Variants in NLRP12 observed in about 807,000 individuals in gnomAD.
NLRP12 encodes NLR family pyrin domain containing 12, also known as NACHT, LRR and PYD domains-containing protein 12.
In NLRP12, 108 loss-of-function variants were observed where a neutral mutation model predicts 91.2. The observed-to-expected ratio is 1.18, with a 90% confidence interval of 1.01 to 1.39. NLRP12 has a LOEUF of 1.39. Ranked by LOEUF, NLRP12 falls within the 40% of genes most tolerant of loss-of-function variation. The pLI is 0.00. For missense variants in NLRP12, 1,530 were observed against 1,352.7 expected, an observed-to-expected ratio of 1.13 and a Z score of -2.06; for synonymous variants, 613 against 566.7, an observed-to-expected ratio of 1.08 and a Z score of -1.16.
At chr19:53,807,159 C>T (rs1231790151) in intron 4 of NLRP12, among the ~76,000 whole-genome samples, 1 of 151,820 alleles carries the variant, frequency 6.6e-6, no homozygotes, top group Non-Finnish European at 1.5e-5. Context: ...CCTCCGCCTC[C>T]CAGGTTCAAG....
chr19:53,810,313 G>A lies in NLRP12; in HGVS notation c.1346C>T (p.Ala449Val). The A allele has an allele frequency of 6.2e-7, 1 of 1,613,664 alleles. No homozygotes were observed. Among genetic ancestry groups the A allele is most frequent in the Non-Finnish European group, 8.5e-7 (1 of 1,180,014 alleles). Residue 449 changes from alanine (A) to valine (V), a missense_variant, in exon 3 of 10, where the codon GCC (alanine) becomes GTC (valine). Coordinates refer to ENST00000324134, the MANE Select transcript of NLRP12 (RefSeq NM_144687.4). The stretch of plus-strand genomic sequence containing the variant: ...GTTGGGTGGGGGCTGGAGGCGCGGG[G>A]CCCCCGGCTTGGGTTGCATCAGACT... ...LLSLMQPKPGAPRLQPPPNQR... is the reference protein window; with the variant it reads ...LLSLMQPKPGVPRLQPPPNQR...
chr19:53,796,755 G>C (rs1390631931), intron 8 of NLRP12, among the ~76,000 whole-genome samples: 6 of 151,838 alleles, frequency 4.0e-5, no homozygotes, highest in Non-Finnish European at 8.8e-5. Context: ...CCAGCACTTT[G>C]GGAGGCCGAG....
At chr19:53,806,741 C>T (rs1296222962) in intron 4 of NLRP12, among the ~76,000 whole-genome samples, 1 of 145,408 alleles carries the variant, frequency 6.9e-6, no homozygotes, top group African/African-American at 2.6e-5. Context: ...GCTTGTTTTC[C>T]CAGCTACTCG....
chr19:53,809,224 TAAAAA>T lies in NLRP12; in HGVS notation c.2072+358_2072+362del, dbSNP rs3973673. 6.4e-3 allele frequency among the ~76,000 whole-genome samples: 857 copies of T among 133,610 alleles called. 3 individuals carry two copies. Among genetic ancestry groups the T allele is most frequent in the Non-Finnish European group, 8.5e-3 (543 of 64,152 alleles). 87.7% of individuals were successfully genotyped at this position (133,610 alleles called of 152,430 possible). The stretch of plus-strand genomic sequence containing the variant: ...CTAGGAGACCAAGAGAGACTTAGTT[TAAAAA>T]AAAAAAAAAAAAAAAATCGTGGGCC... On this transcript the variant is annotated intron_variant, in intron 3 of 9. Coordinates refer to ENST00000324134, the MANE Select transcript of NLRP12 (RefSeq NM_144687.4).
intron 5 of NLRP12, among the ~76,000 whole-genome samples, chr19:53,804,359 T>A (rs2091921229): frequency 6.6e-6 from 1 of 150,862 alleles, no homozygotes; most frequent in Non-Finnish European, 1.5e-5. Context: ...ACCTGCCTAA[T>A]TTTTTTTGTT....
At chr19:53,801,175 G>A in intron 7 of NLRP12, 52 bp downstream of exon 7, 5 of 1,556,608 alleles carry the variant, frequency 3.2e-6, no homozygotes, top group Non-Finnish European at 4.4e-6. Context: ...CAGGTGAGAG[G>A]GCTGCGTTCA....
chr19:53,815,604 A>T (rs933277901), intron 1 of NLRP12, among the ~76,000 whole-genome samples: 4 of 146,384 alleles, frequency 2.7e-5, no homozygotes, highest in Non-Finnish European at 6.0e-5. Flanking sequence ...CATCTCATCC[A>T]TTATCTTTTC....
rs375564263 is a variant in NLRP12, at chr19:53,809,394, G to A, written c.2072+193C>T. Reference sequence around the variant, plus strand: ...AAAAATACAAAAATTAGGTGGGCGTGGTGGCGTGCACCTGTAGTCCCAGCT... The same window carrying A: ...AAAAATACAAAAATTAGGTGGGCGTAGTGGCGTGCACCTGTAGTCCCAGCT... On this transcript the variant is annotated intron_variant, in intron 3 of 9. Coordinates refer to ENST00000324134, the MANE Select transcript of NLRP12 (RefSeq NM_144687.4). Among the ~76,000 whole-genome samples, 3 of 151,308 alleles carry A rather than the reference G, an allele frequency of 2.0e-5. No individual in the cohort carries two copies. In the East Asian group the frequency reaches 5.8e-4, roughly 29 times the overall value.
At chr19:53,822,501 G>A (rs1000858361) in intron 1 of NLRP12, among the ~76,000 whole-genome samples, 1 of 152,020 alleles carries the variant, frequency 6.6e-6, no homozygotes, top group African/African-American at 2.4e-5. Context: ...GGGAGGCTGA[G>A]GTGGGTGGAT....
At chr19:53,820,851 C>T (rs1214285322) in intron 1 of NLRP12, among the ~76,000 whole-genome samples, 1 of 151,110 alleles carries the variant, frequency 6.6e-6, no homozygotes, top group Non-Finnish European at 1.5e-5. Context: ...CTGCGCCCAG[C>T]TAATTTTTTG....
intron 1 of NLRP12, 148 bp downstream of exon 1, chr19:53,823,738 C>T: frequency 1.1e-6 from 1 of 898,402 alleles, no homozygotes. Flanking sequence ...TTGGTAGAGA[C>T]AGAGCCTCAC....
chr19:53,801,198 C>T, intron 7 of NLRP12, 29 bp downstream of exon 7: 1 of 1,610,904 alleles, frequency 6.2e-7, no homozygotes, highest in Non-Finnish European at 8.5e-7. Context: ...GATTGGGACT[C>T]CTAGCGTGGT....
Position 53,798,331 on chromosome 19 carries a change from C to G in NLRP12, c.2839G>C (p.Asp947His). The change falls in exon 8 of 10, where the codon GAC (aspartate) becomes CAC (histidine). Residue 947 changes from aspartate to histidine, a missense_variant. Transcript: ENST00000324134. Reference sequence around the variant, plus strand: ...TCTCCCAGGTCGTTGAAACTCAAGTCCAGCTCCCGGAGGTTGTGGTTGGCC... The same window carrying G: ...TCTCCCAGGTCGTTGAAACTCAAGTGCAGCTCCCGGAGGTTGTGGTTGGCC... ...LQANHNLREL[D>H]LSFNDLGDWG... 1 of 1,614,178 alleles carries G rather than the reference C, an allele frequency of 6.2e-7. No individual in the cohort carries two copies. Among genetic ancestry groups the G allele is most frequent in the Non-Finnish European group, 8.5e-7 (1 of 1,180,036 alleles).
chr19:53,796,751 C>G (rs566430149), intron 8 of NLRP12, among the ~76,000 whole-genome samples: 2 of 151,710 alleles, frequency 1.3e-5, no homozygotes, highest in South Asian at 4.2e-4. Flanking sequence ...AATTCCAGCA[C>G]TTTGGGAGGC....
rs773205720 is a variant in NLRP12 at position 53,807,484 on chromosome 19, C to CTGGT, written c.2243+10_2243+11insACCA. On this transcript the variant is annotated intron_variant, in intron 4 of 9. Coordinates refer to ENST00000324134, the MANE Select transcript of NLRP12 (RefSeq NM_144687.4). ...GGACCACCTGAAACGCCCAGACCAGCCTGCACTCACCTCAGGTTCTGAAGT... is the reference window on the plus strand; with the variant it reads ...GGACCACCTGAAACGCCCAGACCAGCTGGTCTGCACTCACCTCAGGTTCTGAAGT... 6.2e-7 allele frequency: 1 copy of CTGGT among 1,612,828 alleles called. No individual in the cohort carries two copies. Among genetic ancestry groups the CTGGT allele is most frequent in the South Asian group, 1.1e-5 (1 of 90,862 alleles).
chr19:53,803,752 T>A (rs2091910532), intron 6 of NLRP12, 200 bp downstream of exon 6: 3 of 577,276 alleles, frequency 5.2e-6, no homozygotes, highest in Non-Finnish European at 9.7e-6. Flanking sequence ...TTTTGTATCT[T>A]TAGTAGAGAG....
intron 1 of NLRP12, among the ~76,000 whole-genome samples, chr19:53,818,590 G>A (rs1017001399): frequency 7.1e-5 from 10 of 140,598 alleles, no homozygotes; most frequent in East Asian, 2.0e-4. Context: ...GCTTGAACCC[G>A]GGAGGCGGAG....
Position 53,814,517 on chromosome 19 carries a change from A to G in NLRP12, c.370+391T>C, listed in dbSNP as rs1159979433. Among the ~76,000 whole-genome samples, 3 of 152,038 alleles carry G rather than the reference A, an allele frequency of 2.0e-5. No homozygotes were observed. The East Asian group carries it at 5.8e-4, about 29-fold the overall frequency. ...CAGGTATGCTCCACCACACCCTGCTAATTTTGTATTTTTAGTAGAGACGGG... is the reference window on the plus strand; with the variant it reads ...CAGGTATGCTCCACCACACCCTGCTGATTTTGTATTTTTAGTAGAGACGGG... On this transcript the variant is annotated intron_variant, in intron 2 of 9. Coordinates refer to ENST00000324134, the MANE Select transcript of NLRP12 (RefSeq NM_144687.4).
rs376159601 is a variant in NLRP12, at chr19:53,796,723, G to A, written c.2928-694C>T. ...AAAAATTATCTGGGTTAGGCCGGGC[G>A]TGGTGGCTCACGCCTGTAATTCCAG... On this transcript the variant is annotated intron_variant, in intron 8 of 9. Transcript: ENST00000324134. 3.9e-5 allele frequency among the ~76,000 whole-genome samples: 6 copies of A among 151,956 alleles called. No individual in the cohort carries two copies. In the East Asian group the frequency reaches 6.0e-4, roughly 15 times the overall value.
Sources: gnomAD v4.1 joint callset for allele counts (sites outside exome capture counted in the v4.1 genomes callset) on GRCh38, gnomAD v4.1.1 for gene constraint, MANE v1.5 for transcripts, NCBI Gene and HGNC (gene_info 2026-07-23, HGNC 2026-07-21) for gene names.